ACSBG2: variants seen among roughly 807,000 people sequenced by gnomAD.
The protein encoded by ACSBG2 is long-chain-fatty-acid--CoA ligase ACSBG2.
Under a neutral mutation model 74.7 loss-of-function variants are expected in ACSBG2, and 62 were observed. The observed-to-expected ratio is 0.83, with a 90% CI of 0.68 to 1.03. ACSBG2 has a LOEUF of 1.03. Ranked by LOEUF, ACSBG2 falls within the 50% of genes least tolerant of loss-of-function variation. The pLI is 0.00. For synonymous variants in ACSBG2, 309 were observed against 294.1 expected (o/e 1.05, Z -0.52); for missense variants, 730 against 817.6 (o/e 0.89, Z 1.31).
In ACSBG2 at chr19:6,177,350, T is replaced by A; in HGVS notation, c.860T>A (p.Ile287Lys). The A allele has an allele frequency of 6.2e-7, 1 of 1,611,952 alleles. No individual in the cohort carries two copies. Residue 287 changes from isoleucine (I) to lysine (K), a missense_variant, in exon 8 of 15, where the codon ATA (isoleucine) becomes AAA (lysine). Physicochemically the swap from Ile to Lys is moderately radical, Grantham distance 102. Coordinates refer to ENST00000588485, the MANE Select transcript of ACSBG2 (RefSeq NM_030924.5). ...AAQMMDIWVPIKIGALTYFAQ... is the reference protein window; with the variant it reads ...AAQMMDIWVPKKIGALTYFAQ... ...CAGATGATGGACATCTGGGTACCCA[T>A]AAAGATTGGGGCGCTCACATACTTT...
At chr19:6,181,490 A>G (rs977044055) in intron 8 of ACSBG2, among the ~76,000 whole-genome samples, 2 of 152,166 alleles carry the variant, frequency 1.3e-5, no homozygotes, top group Non-Finnish European at 2.9e-5. Context: ...TGGTTTGCAA[A>G]TACTTTCTCC....
rs774360961 is a variant in ACSBG2, at chr19:6,161,304, G to T, written c.588+9G>T. ...ACAACAACTTGTACTCTGTAAGTGT[G>T]GGAGGTGGGCACTGGGGAAAGGGGA... On this transcript the variant is annotated intron_variant, in intron 6 of 14. Coordinates refer to ENST00000588485, the MANE Select transcript of ACSBG2 (RefSeq NM_030924.5). 6.2e-7 allele frequency: 1 copy of T among 1,611,668 alleles called. No individual in the cohort carries two copies. Among genetic ancestry groups the T allele is most frequent in the Non-Finnish European group, 8.5e-7 (1 of 1,178,268 alleles).
At chr19:6,147,389 C>CCAAAGTTA in intron 2 of ACSBG2, 57 bp from the exon 3 acceptor site, 1 of 1,483,930 alleles carries the variant, frequency 6.7e-7, no homozygotes, top group South Asian at 1.1e-5. Flanking sequence ...CGCCCCCCGT[C>CCAAAGTTA]CAAAGTTATT....
intron 4 of ACSBG2, among the ~76,000 whole-genome samples, chr19:6,155,666 T>C (rs984814010): frequency 9.9e-5 from 15 of 151,944 alleles, no homozygotes; most frequent in Admixed American, 3.3e-4. Context: ...GGTGCATACC[T>C]GTAATCCCAG....
chr19:6,145,429 CAAAAA>C (rs34273390), intron 2 of ACSBG2, among the ~76,000 whole-genome samples: 2 of 127,366 alleles, frequency 1.6e-5, no homozygotes, highest in East Asian at 2.3e-4. Context: ...GACTCCATCT[CAAAAA>C]AAAAAAAAAA....
rs148591394 is a variant in ACSBG2, at chr19:6,176,303, T to C, written c.739-926T>C. ...TGAGAGCATCTGCTTGAGCAAAGTATGTGAGCGCCCCAATCTTTATGGGTA... is the reference window on the plus strand; with the variant it reads ...TGAGAGCATCTGCTTGAGCAAAGTACGTGAGCGCCCCAATCTTTATGGGTA... On this transcript the variant is annotated intron_variant, in intron 7 of 14. Coordinates refer to ENST00000588485, the MANE Select transcript of ACSBG2 (RefSeq NM_030924.5). 3.7e-3 allele frequency: 5,183 copies of C among 1,386,382 alleles called. 179 individuals are homozygous for C. In the African/African-American group the frequency reaches 0.069, roughly 19 times the overall value. The allele number at this position is 1,386,382 out of a possible 1,614,324, so 85.9% of individuals were successfully genotyped here.
chr19:6,155,743 T>C (rs1308673884), intron 4 of ACSBG2, among the ~76,000 whole-genome samples: 1 of 148,488 alleles, frequency 6.7e-6, no homozygotes, highest in Non-Finnish European at 1.5e-5. Flanking sequence ...TGAGCTGAGA[T>C]TGCACCACTG....
At chr19:6,151,413 T>A (rs2089235422) in intron 3 of ACSBG2, among the ~76,000 whole-genome samples, 1 of 152,056 alleles carries the variant, frequency 6.6e-6, no homozygotes, top group African/African-American at 2.4e-5. Context: ...GCTCAAGTGA[T>A]CCTCCTGCCT....
chr19:6,176,669 T>C (rs371455716), intron 7 of ACSBG2, among the ~76,000 whole-genome samples: 127 of 152,028 alleles, frequency 8.4e-4, no homozygotes, highest in African/African-American at 2.9e-3. Context: ...GATGAGTAGA[T>C]GGTTGTTAAT....
At position 6,172,604 on chromosome 19, in the gene ACSBG2, G is replaced by C. The variant is rs2089992586; in HGVS notation, c.739-4625G>C. Among the ~76,000 whole-genome samples the C allele has an allele frequency of 2.0e-5, 3 of 152,178 alleles. No individual in the cohort carries two copies. The South Asian group carries it at 6.2e-4, about 31-fold the overall frequency. ...CTTCTATGCAGTGGCTTTCTCAGAT[G>C]CTGCTTGTTGTAATGATGTAATGGA... On this transcript the variant is annotated intron_variant, in intron 7 of 14. Coordinates refer to ENST00000588485, the MANE Select transcript of ACSBG2 (RefSeq NM_030924.5).
At chr19:6,138,552 AGGAAGGAAGGAAAGAAGGGAGGGAG>A (rs1423167743) in intron 1 of ACSBG2, among the ~76,000 whole-genome samples, 28 of 98,114 alleles carry the variant, frequency 2.9e-4, no homozygotes, top group African/African-American at 1.3e-3. Context: ...GGAGGGAGGG[AGGAAGGAAGGAAAGAAGGGAGGGAG>A]GGAAGGAAAG....
At chr19:6,140,743 G>A (rs11085158) in intron 1 of ACSBG2, among the ~76,000 whole-genome samples, 90,154 of 151,594 alleles carry the variant, frequency 0.59, 27,761 homozygotes, top group Admixed American at 0.68. Flanking sequence ...TTTTTACCAC[G>A]ATGAATGAGA....
intron 1 of ACSBG2, among the ~76,000 whole-genome samples, chr19:6,139,518 T>C (rs1225578347): frequency 6.6e-6 from 1 of 152,220 alleles, no homozygotes; most frequent in Admixed American, 6.6e-5. Context: ...ACTCAAGTTT[T>C]CACCTGCTGT....
chr19:6,166,280 T>TTTTGTGTGTGTG (rs1555694318), intron 7 of ACSBG2, among the ~76,000 whole-genome samples: 10 of 119,096 alleles, frequency 8.4e-5, no homozygotes, highest in African/African-American at 1.5e-4. Context: ...GTCAGGAAGG[T>TTTTGTGTGTGTG]TGTGTGTGTG....
At chr19:6,190,537 A>C in intron 13 of ACSBG2, 47 bp from the exon 14 acceptor site, 1 of 1,555,162 alleles carries the variant, frequency 6.4e-7, no homozygotes. Context: ...GGTGTGTGTA[A>C]TTTTCTTTTA....
Position 6,156,436 on chromosome 19 carries a change from T to G in ACSBG2, c.392T>G (p.Leu131Arg), listed in dbSNP as rs2089421793. ...AATTTGTTTTCTTTTCCCAGGGGTC[T>G]TTGTGTTGGTATTTATGCCACCAAC... ...TAVGAILAGG[L>R]CVGIYATNSA... The change falls in exon 5 of 15, where the codon CTT becomes CGT. Residue 131 changes from leucine (L) to arginine (R), a missense_variant. By Grantham distance (102) the Leu-to-Arg change is moderately radical. Coordinates refer to ENST00000588485, the MANE Select transcript of ACSBG2 (RefSeq NM_030924.5). 4 of 1,591,274 alleles carry G rather than the reference T, an allele frequency of 2.5e-6. No individual in the cohort carries two copies. In the Admixed American group the frequency reaches 5.4e-5, roughly 22 times the overall value.
chr19:6,136,641 G>A (rs2088582399), intron 1 of ACSBG2, among the ~76,000 whole-genome samples: 1 of 152,246 alleles, frequency 6.6e-6, no homozygotes, highest in Non-Finnish European at 1.5e-5. Context: ...GGGATTACAG[G>A]TGTGAGTCAC....
chr19:6,187,344 G>C lies in ACSBG2; in HGVS notation c.1602G>C (p.Lys534Asn), dbSNP rs773614154. ...VPPIPVETLV[K>N]KKIPIISNAM... ...CCATTCCTGTTGAGACCTTGGTTAA[G>C]AAGAAGATCCCCATCATCAGTAACG... Residue 534 changes from lysine (K) to asparagine (N), a missense_variant, in exon 12 of 15, where the codon AAG (lysine) becomes AAC (asparagine). Physicochemically the swap from Lys to Asn is moderately conservative, Grantham distance 94. Coordinates refer to ENST00000588485, the MANE Select transcript of ACSBG2 (RefSeq NM_030924.5). 1.2e-6 allele frequency: 2 copies of C among 1,614,032 alleles called. No homozygotes were observed. The highest frequency in any genetic ancestry group is 1.7e-6 in the Non-Finnish European group (2 of 1,180,030).
chr19:6,155,388 G>A (rs2089383500), intron 4 of ACSBG2, among the ~76,000 whole-genome samples: 1 of 152,188 alleles, frequency 6.6e-6, no homozygotes, highest in Non-Finnish European at 1.5e-5. Context: ...CCTGGGGGTA[G>A]TCAAAGATTT....
Sources: allele counts gnomAD v4.1 joint callset (sites outside exome capture counted in the v4.1 genomes callset), GRCh38; gene constraint gnomAD v4.1.1; transcripts MANE v1.5; gene names NCBI Gene and HGNC (gene_info 2026-07-23, HGNC 2026-07-21).